Variants in DYTN observed in about 807,000 individuals in gnomAD.
DYTN encodes dystrotelin.
Under a neutral mutation model 69.6 loss-of-function variants are expected in DYTN, and 75 were observed. That is an observed-to-expected ratio of 1.08 (90% CI 0.89 to 1.31). The LOEUF (loss-of-function observed/expected upper bound fraction) is 1.31, where lower values mean the gene tolerates loss of function less well. Among genes scored for constraint, DYTN ranks in the 50% most tolerant of loss-of-function variants. The pLI is 0.00. For synonymous variants in DYTN, 252 were observed against 249.1 expected, an observed-to-expected ratio of 1.01 and a Z score of -0.11; for missense variants, 726 against 688.4, an observed-to-expected ratio of 1.05 and a Z score of -0.61.
Position 206,667,697 on chromosome 2 carries a change from C to CGTGTGTGTGT in DYTN, c.981-1678_981-1669dup, listed in dbSNP as rs71410894. Among the ~76,000 whole-genome samples the CGTGTGTGTGT allele has an allele frequency of 1.7e-3, 244 of 144,118 alleles. 1 individual carries two copies. The highest frequency in any genetic ancestry group is 3.5e-3 in the Middle Eastern group (1 of 282). The allele number at this position is 144,118 out of a possible 152,430, so 94.5% of individuals were successfully genotyped here. A position where few individuals can be genotyped will look rare whatever the true frequency, so the allele number is the denominator to read the frequency against. On this transcript the variant is annotated intron_variant, in intron 9 of 11. Coordinates refer to ENST00000452335, the MANE Select transcript of DYTN (RefSeq NM_001093730.1). ...ATTTATTCTGGCAACTTTGCGTGTGCGTGTGTGTGTGTGTGTGTGTGTGTG... is the reference window on the plus strand; with the variant it reads ...ATTTATTCTGGCAACTTTGCGTGTGCGTGTGTGTGTGTGTGTGTGTGTGTGTGTGTGTGTG...
intron 3 of DYTN, 26 bp downstream of exon 3, chr2:206,707,276 T>A: frequency 6.2e-7 from 1 of 1,600,612 alleles, no homozygotes; most frequent in Non-Finnish European, 8.5e-7. Context: ...GCCTTTGAGG[T>A]CACAGCGCGA....
chr2:206,655,942 G>A (rs1284513969), intron 11 of DYTN, among the ~76,000 whole-genome samples: 1 of 152,158 alleles, frequency 6.6e-6, no homozygotes, highest in Admixed American at 6.5e-5. Flanking sequence ...GTTTGCTGGA[G>A]AAGAATGTAT....
intron 5 of DYTN, among the ~76,000 whole-genome samples, chr2:206,704,349 A>G (rs1700004666): frequency 6.6e-6 from 1 of 152,254 alleles, no homozygotes; most frequent in Admixed American, 6.5e-5. Flanking sequence ...GTGGGTAGAT[A>G]GAAATGCAGA....
In DYTN at chr2:206,663,029, C is replaced by T. The variant is rs1378560453; in HGVS notation, c.1507G>A (p.Ala503Thr). Reference protein sequence around the residue: ...KMVPAEMSSPALAAVEKKEAG... With the variant: ...KMVPAEMSSPTLAAVEKKEAG... ...TCTTTCTTTTCCACGGCTGCCAGAG[C>T]AGGACTGCTCATTTCAGCAGGAACC... is the stretch of plus-strand genomic sequence containing the variant. The change falls in exon 11 of 12, where the codon GCT becomes ACT. Residue 503 changes from alanine (A) to threonine (T), a missense_variant. By Grantham distance (58) the Ala-to-Thr change is moderately conservative (BLOSUM62 0). Coordinates refer to ENST00000452335, the MANE Select transcript of DYTN (RefSeq NM_001093730.1). 1 of 1,613,780 alleles carries T rather than the reference C, an allele frequency of 6.2e-7. No homozygotes were observed. Among genetic ancestry groups the T allele is most frequent in the Non-Finnish European group, 8.5e-7 (1 of 1,179,904 alleles).
chr2:206,653,754 G>A (rs1699415113), intron 11 of DYTN, among the ~76,000 whole-genome samples: 1 of 152,158 alleles, frequency 6.6e-6, no homozygotes, highest in Non-Finnish European at 1.5e-5. Context: ...CCTCTGTGAT[G>A]TCTTCATTTG....
intron 10 of DYTN, among the ~76,000 whole-genome samples, chr2:206,665,020 T>C (rs1178454935): frequency 6.6e-6 from 1 of 152,220 alleles, no homozygotes. Context: ...GAAGCTGTCA[T>C]GTATCATGTT....
chr2:206,662,767 A>G (rs1181269894), intron 11 of DYTN, 136 bp downstream of exon 11: 1 of 1,324,484 alleles, frequency 7.6e-7, no homozygotes, highest in Non-Finnish European at 1.0e-6. Flanking sequence ...CAGAGATGCT[A>G]CTGATAACCA....
In DYTN at chr2:206,693,341, A is replaced by G. The variant is rs930836420; in HGVS notation, c.832-18T>C. ...GCTGACATCTGCTGAAAGGGCCAAC[A>G]TTTTTAAAAAGCGTCAGATCAGTCT... On this transcript the variant is annotated intron_variant, in intron 8 of 11. Transcript: ENST00000452335. 4.4e-5 allele frequency: 70 copies of G among 1,607,824 alleles called. No individual in the cohort carries two copies. The highest frequency in any genetic ancestry group is 5.8e-5 in the Non-Finnish European group (68 of 1,179,020).
chr2:206,713,924 G>A lies in DYTN; in HGVS notation c.20-3326C>T, dbSNP rs532442166. The stretch of plus-strand genomic sequence containing the variant: ...TCAGGCAATGAGGAGTTAGCAGGGT[G>A]TGCTGGGGAGTTTTGTGACTAGAAA... On this transcript the variant is annotated intron_variant, in intron 1 of 11. Transcript: ENST00000452335. 1.2e-3 allele frequency among the ~76,000 whole-genome samples: 176 copies of A among 152,364 alleles called. 1 individual carries two copies. The highest frequency in any genetic ancestry group is 0.011 in the South Asian group (53 of 4,830).
At chr2:206,708,224 GA>G (rs1157608347) in intron 2 of DYTN, among the ~76,000 whole-genome samples, 1 of 152,128 alleles carries the variant, frequency 6.6e-6, no homozygotes, top group Non-Finnish European at 1.5e-5. Context: ...ACAAGGCAAT[GA>G]ATAGAAACAA....
At chr2:206,693,901 A>G (rs79997771) in intron 8 of DYTN, among the ~76,000 whole-genome samples, 6,658 of 152,288 alleles carry the variant, frequency 0.044, 204 homozygotes, top group Non-Finnish European at 0.062. Flanking sequence ...TTTTAGCACT[A>G]GGAAGGTAGA....
At chr2:206,706,468 T>C (rs956636145) in intron 3 of DYTN, among the ~76,000 whole-genome samples, 1 of 149,580 alleles carries the variant, frequency 6.7e-6, no homozygotes, top group Non-Finnish European at 1.5e-5. Flanking sequence ...AATGTATGTA[T>C]ATATTGTTTG....
intron 11 of DYTN, among the ~76,000 whole-genome samples, chr2:206,656,501 G>A (rs983164967): frequency 1.3e-5 from 2 of 151,960 alleles, no homozygotes. Context: ...TGATAGGGGA[G>A]GACAATTTTG....
intron 11 of DYTN, among the ~76,000 whole-genome samples, chr2:206,660,009 TTTTTCTTGC>T (rs374859738): frequency 0.29 from 43,398 of 151,796 alleles, 6,276 homozygotes; most frequent in Middle Eastern, 0.3. Context: ...ATGTGTACTT[TTTTTCTTGC>T]AAAGAAAAAA....
intron 9 of DYTN, among the ~76,000 whole-genome samples, chr2:206,666,350 A>T (rs1699572371): frequency 6.6e-6 from 1 of 152,168 alleles, no homozygotes; most frequent in East Asian, 1.9e-4. Context: ...GTTATCTCAC[A>T]TTGATCAATA....
intron 9 of DYTN, among the ~76,000 whole-genome samples, chr2:206,682,827 C>T (rs1030201902): frequency 1.3e-5 from 2 of 152,124 alleles, no homozygotes; most frequent in Admixed American, 6.5e-5. Flanking sequence ...CTCCCCATCT[C>T]GGTTGATGGC....
chr2:206,661,894 G>T (rs1699516582), intron 11 of DYTN, among the ~76,000 whole-genome samples: 1 of 152,138 alleles, frequency 6.6e-6, no homozygotes, highest in Non-Finnish European at 1.5e-5. Context: ...ACTTATGATG[G>T]ATTGACTTAC....
intron 4 of DYTN, 144 bp downstream of exon 4, chr2:206,705,644 C>G: frequency 6.0e-6 from 4 of 666,856 alleles, no homozygotes; most frequent in Non-Finnish European, 9.5e-6. Flanking sequence ...CCAAAGTCCT[C>G]AAATAGTAAA....
chr2:206,673,563 C>T (rs1246677109), intron 9 of DYTN, among the ~76,000 whole-genome samples: 3 of 150,372 alleles, frequency 2.0e-5, no homozygotes, highest in Admixed American at 1.3e-4. Context: ...GCCGGTTCTC[C>T]GATTTTTTAA....
Sources: allele counts gnomAD v4.1 joint callset (sites outside exome capture counted in the v4.1 genomes callset), GRCh38; gene constraint gnomAD v4.1.1; transcripts MANE v1.5; gene names NCBI Gene and HGNC (gene_info 2026-07-23, HGNC 2026-07-21).